FGF12: variants seen among roughly 807,000 people sequenced by gnomAD.
FGF12 encodes the protein fibroblast growth factor 12B.
Under a neutral mutation model 23.6 loss-of-function variants are expected in FGF12, and 14 were observed. That is an observed-to-expected ratio of 0.59 (90% CI 0.39 to 0.93). FGF12 has a LOEUF of 0.93. FGF12 is among the 40% of genes least tolerant of loss of function. The pLI is 0.00. For synonymous variants in FGF12, 62 were observed against 77.3 expected (o/e 0.80, Z 1.04); for missense variants, 175 against 217.8 (o/e 0.80, Z 1.24).
At chr3:192,354,426 C>A (rs1408219912) in intron 3 of FGF12, among the ~76,000 whole-genome samples, 2 of 148,390 alleles carry the variant, frequency 1.3e-5, no homozygotes, top group Non-Finnish European at 3.0e-5. Flanking sequence ...CAGAAAAGCA[C>A]ATTTAAAATA....
Position 192,322,719 on chromosome 3 carries a change from C to T in FGF12, c.228+12642G>A, listed in dbSNP as rs188465540. 4.2e-3 allele frequency among the ~76,000 whole-genome samples: 633 copies of T among 152,116 alleles called. 3 individuals are homozygous for T. The highest frequency in any genetic ancestry group is 9.2e-3 in the East Asian group (48 of 5,190). ...CGTACCTCTACAGAGAACTCATTTT[C>T]GACAAAGTTTCCAAGAACATACATT... is the stretch of plus-strand genomic sequence containing the variant. On this transcript the variant is annotated intron_variant, in intron 4 of 5. Coordinates refer to ENST00000445105, the MANE Select transcript of FGF12 (RefSeq NM_004113.6).
At chr3:192,186,420 A>C (rs111383221) in intron 4 of FGF12, among the ~76,000 whole-genome samples, 184 of 152,350 alleles carry the variant, frequency 1.2e-3, no homozygotes, top group African/African-American at 4.2e-3. Context: ...AGTGACATGT[A>C]CATGATTTAT....
At chr3:192,607,905 T>C (rs1227369138) in intron 2 of FGF12, among the ~76,000 whole-genome samples, 1 of 151,546 alleles carries the variant, frequency 6.6e-6, no homozygotes, top group Non-Finnish European at 1.5e-5. Flanking sequence ...GAGCACTTAC[T>C]TTGAGCCAGT....
intron 2 of FGF12, among the ~76,000 whole-genome samples, chr3:192,534,820 AT>A (rs1434388048): frequency 6.6e-6 from 1 of 152,148 alleles, no homozygotes; most frequent in Non-Finnish European, 1.5e-5. Context: ...AAAATTACCG[AT>A]TTTAGAACTA....
intron 2 of FGF12, among the ~76,000 whole-genome samples, chr3:192,505,524 A>G (rs1231784066): frequency 6.6e-6 from 1 of 152,226 alleles, no homozygotes. Flanking sequence ...AGAAGAGATT[A>G]TATTGGGGTT....
At chr3:192,651,234 T>C (rs1297293514) in intron 2 of FGF12, among the ~76,000 whole-genome samples, 2 of 152,188 alleles carry the variant, frequency 1.3e-5, no homozygotes, top group Non-Finnish European at 2.9e-5. Context: ...CCGACATTTG[T>C]TGAAGCCTTC....
chr3:192,207,319 G>A (rs774528775), intron 4 of FGF12, among the ~76,000 whole-genome samples: 164 of 152,296 alleles, frequency 1.1e-3, no homozygotes, highest in Middle Eastern at 3.4e-3. Context: ...CAGTTGTGGA[G>A]ACATATAATT....
intron 4 of FGF12, among the ~76,000 whole-genome samples, chr3:192,207,490 G>A (rs954921567): frequency 3.3e-5 from 5 of 152,184 alleles, no homozygotes; most frequent in African/African-American, 7.2e-5. Context: ...GACACGGAGC[G>A]ATCCCGGCAT....
intron 2 of FGF12, among the ~76,000 whole-genome samples, chr3:192,697,774 C>T (rs1441855556): frequency 1.3e-5 from 2 of 152,156 alleles, no homozygotes; most frequent in Non-Finnish European, 2.9e-5. Context: ...GCAAATATGC[C>T]AAGCACACGA....
At chr3:192,291,313 G>T (rs1714746838) in intron 4 of FGF12, among the ~76,000 whole-genome samples, 1 of 152,152 alleles carries the variant, frequency 6.6e-6, no homozygotes, top group South Asian at 2.1e-4. Flanking sequence ...AGGCATGGTG[G>T]CTTATACCTG....
chr3:192,463,325 C>G (rs1334021507), intron 2 of FGF12, among the ~76,000 whole-genome samples: 1 of 152,004 alleles, frequency 6.6e-6, no homozygotes, highest in African/African-American at 2.4e-5. Context: ...GAGGCTGAGG[C>G]AGGAGAATCT....
At chr3:192,485,821 G>A (rs917577151) in intron 2 of FGF12, among the ~76,000 whole-genome samples, 3 of 152,048 alleles carry the variant, frequency 2.0e-5, no homozygotes, top group African/African-American at 4.8e-5. Context: ...AACTGCATCT[G>A]AACTGAGATA....
chr3:192,423,727 C>T lies in FGF12; in HGVS notation c.14-63189G>A, dbSNP rs114301214. On this transcript the variant is annotated intron_variant, in intron 2 of 5. Coordinates refer to ENST00000445105, the MANE Select transcript of FGF12 (RefSeq NM_004113.6). ...ACACAGCCTAGGCCTCCTGATTCTA[C>T]GATCAGTGGTTTCTCTGGTATAAGG... Among the ~76,000 whole-genome samples the T allele has an allele frequency of 4.5e-3, 687 of 152,208 alleles. 6 individuals are homozygous for T. Among genetic ancestry groups the T allele is most frequent in the Non-Finnish European group, 6.8e-3 (463 of 67,994 alleles).
At chr3:192,160,338 T>A (rs1450552045) in intron 5 of FGF12, among the ~76,000 whole-genome samples, 2 of 152,162 alleles carry the variant, frequency 1.3e-5, no homozygotes, top group Non-Finnish European at 2.9e-5. Context: ...TCCATTCCTT[T>A]AATCAATCCA....
intron 2 of FGF12, among the ~76,000 whole-genome samples, chr3:192,403,547 G>GT (rs11424277): frequency 0.59 from 86,115 of 146,126 alleles, 25,227 homozygotes; most frequent in Non-Finnish European, 0.63. Context: ...GGGTCTTACT[G>GT]TTTTTTTTTT....
intron 2 of FGF12, among the ~76,000 whole-genome samples, chr3:192,715,747 T>C (rs954101183): frequency 1.3e-5 from 2 of 152,256 alleles, no homozygotes; most frequent in African/African-American, 4.8e-5. Flanking sequence ...CCTAGGTTTC[T>C]CTTTATGCAT....
intron 4 of FGF12, among the ~76,000 whole-genome samples, chr3:192,303,892 A>G (rs753482306): frequency 2.0e-5 from 3 of 152,198 alleles, no homozygotes; most frequent in Admixed American, 2.0e-4. Context: ...GTAAATAAAT[A>G]CTAACTGACA....
chr3:192,587,540 G>A (rs1211152370), intron 2 of FGF12, among the ~76,000 whole-genome samples: 1 of 151,956 alleles, frequency 6.6e-6, no homozygotes, highest in East Asian at 1.9e-4. Context: ...CCCAGGTTGG[G>A]CATGGTGGTT....
intron 4 of FGF12, among the ~76,000 whole-genome samples, chr3:192,190,299 T>C (rs114416596): frequency 0.012 from 1,771 of 152,124 alleles, 39 homozygotes; most frequent in African/African-American, 0.04. Context: ...ATTCCTTATG[T>C]TTCAAAAACT....
Sources: allele counts gnomAD v4.1 joint callset (sites outside exome capture counted in the v4.1 genomes callset), GRCh38; gene constraint gnomAD v4.1.1; transcripts MANE v1.5; gene names NCBI Gene and HGNC (gene_info 2026-07-23, HGNC 2026-07-21).